The following SUPT3H variants were observed in gnomAD, a reference collection of about 807,000 sequenced individuals.
SUPT3H encodes the protein transcription initiation protein SPT3 homolog.
Under a neutral mutation model 44.3 loss-of-function variants are expected in SUPT3H, and 44 were observed. That is an observed-to-expected ratio of 0.99 (90% CI 0.78 to 1.28). The LOEUF is 1.28. Ranked by LOEUF, SUPT3H falls within the 50% of genes most tolerant of loss-of-function variation. SUPT3H has a pLI of 0.00. For missense variants in SUPT3H, 380 were observed against 387.1 expected, an observed-to-expected ratio of 0.98 and a Z score of 0.15; for synonymous variants, 124 against 125.6, an observed-to-expected ratio of 0.99 and a Z score of 0.09.
At chr6:45,279,930 T>C (rs1777682707) in intron 2 of SUPT3H, among the ~76,000 whole-genome samples, 1 of 152,198 alleles carries the variant, frequency 6.6e-6, no homozygotes, top group Admixed American at 6.5e-5. Flanking sequence ...ATACCTGCTC[T>C]ACTTGCACTC....
chr6:45,260,610 A>G (rs1315232593), intron 2 of SUPT3H, among the ~76,000 whole-genome samples: 2 of 152,194 alleles, frequency 1.3e-5, no homozygotes, highest in African/African-American at 4.8e-5. Flanking sequence ...CTACATTTTA[A>G]CAAGTAAAAT....
intron 3 of SUPT3H, among the ~76,000 whole-genome samples, chr6:45,070,053 T>C (rs1438191288): frequency 3.9e-5 from 6 of 152,180 alleles, no homozygotes; most frequent in Admixed American, 3.9e-4. Context: ...GAATATATCA[T>C]GGTCATTCCC....
At chr6:45,061,436 C>A (rs1286487504) in intron 3 of SUPT3H, among the ~76,000 whole-genome samples, 3 of 151,916 alleles carry the variant, frequency 2.0e-5, no homozygotes, top group Non-Finnish European at 4.4e-5. Context: ...ACACATGGGG[C>A]CTTTTAGAGG....
chr6:45,255,109 C>T (rs1204130511), intron 2 of SUPT3H, among the ~76,000 whole-genome samples: 2 of 152,136 alleles, frequency 1.3e-5, no homozygotes, highest in East Asian at 3.8e-4. Flanking sequence ...TTAGTTGCTG[C>T]TAATCTCATA....
intron 2 of SUPT3H, among the ~76,000 whole-genome samples, chr6:45,204,999 G>A (rs115428726): frequency 6.6e-6 from 1 of 152,228 alleles, no homozygotes; most frequent in African/African-American, 2.4e-5. Flanking sequence ...ATATGCCCAT[G>A]TTGGGCTCAA....
chr6:45,317,272 A>AAAAG (rs1185108058), intron 2 of SUPT3H, among the ~76,000 whole-genome samples: 1 of 149,658 alleles, frequency 6.7e-6, no homozygotes, highest in Admixed American at 6.7e-5. Context: ...CAAAATGTCC[A>AAAAG]GACTACCCAA....
chr6:45,112,116 A>C (rs995464983), intron 2 of SUPT3H, among the ~76,000 whole-genome samples: 1 of 152,218 alleles, frequency 6.6e-6, no homozygotes, highest in African/African-American at 2.4e-5. Context: ...ATTTTAAAGA[A>C]ACCTTTTCAG....
At chr6:44,974,767 A>C (rs1410995091) in intron 6 of SUPT3H, among the ~76,000 whole-genome samples, 1 of 152,122 alleles carries the variant, frequency 6.6e-6, no homozygotes, top group African/African-American at 2.4e-5. Flanking sequence ...GACTAGAACA[A>C]ATGTTGCTAT....
At chr6:45,102,342 G>A (rs1798697501) in intron 3 of SUPT3H, among the ~76,000 whole-genome samples, 1 of 152,012 alleles carries the variant, frequency 6.6e-6, no homozygotes, top group African/African-American at 2.4e-5. Flanking sequence ...AAGGGGAAAA[G>A]CCAAAAAACA....
chr6:45,375,824 T>C (rs1796700254), intron 1 of SUPT3H, among the ~76,000 whole-genome samples: 2 of 150,920 alleles, frequency 1.3e-5, no homozygotes, highest in South Asian at 4.2e-4. Flanking sequence ...ATACACTTGC[T>C]TTAAAAAAAA....
chr6:45,259,357 T>C (rs563140564), intron 2 of SUPT3H, among the ~76,000 whole-genome samples: 1 of 152,232 alleles, frequency 6.6e-6, no homozygotes, highest in East Asian at 1.9e-4. Context: ...GGATCCAAAA[T>C]GTCTCCACTA....
At chr6:45,131,177 A>C (rs956941469) in intron 2 of SUPT3H, among the ~76,000 whole-genome samples, 5 of 152,136 alleles carry the variant, frequency 3.3e-5, no homozygotes, top group African/African-American at 1.2e-4. Context: ...TACTGGGCTA[A>C]ATTATAGGTT....
intron 2 of SUPT3H, 93 bp from the exon 3 acceptor site, chr6:45,106,099 G>A: frequency 9.4e-7 from 1 of 1,068,090 alleles, no homozygotes; most frequent in Non-Finnish European, 1.4e-6. Flanking sequence ...AGTTTAGTAA[G>A]GAGAACATAA....
intron 3 of SUPT3H, among the ~76,000 whole-genome samples, chr6:45,025,025 T>A (rs997684197): frequency 6.6e-6 from 1 of 152,216 alleles, no homozygotes; most frequent in African/African-American, 2.4e-5. Flanking sequence ...ATTTTGGGAA[T>A]CCTTAGACTC....
intron 2 of SUPT3H, among the ~76,000 whole-genome samples, chr6:45,304,610 G>A (rs1226554654): frequency 1.3e-5 from 2 of 152,016 alleles, no homozygotes; most frequent in Admixed American, 1.3e-4. Context: ...TTCCTAAAAA[G>A]AAAGGTCAAA....
intron 3 of SUPT3H, among the ~76,000 whole-genome samples, chr6:45,077,348 T>C (rs572997927): frequency 6.6e-6 from 1 of 152,210 alleles, no homozygotes; most frequent in African/African-American, 2.4e-5. Flanking sequence ...GTTCATAGGC[T>C]GGGCATGGTG....
chr6:44,824,023 A>G (rs1318531946), downstream of SUPT3H, among the ~76,000 whole-genome samples: 3 of 152,220 alleles, frequency 2.0e-5, no homozygotes, highest in African/African-American at 7.2e-5. Context: ...TGGCTCCTCC[A>G]TGACATGGTA....
In SUPT3H at chr6:45,247,144, C is replaced by G. The variant is rs181995657; in HGVS notation, c.101+118057G>C. On this transcript the variant is annotated intron_variant, in intron 2 of 10. Coordinates refer to ENST00000371459, the MANE Select transcript of SUPT3H (RefSeq NM_003599.4). ...ACTATAAGCAAATCTCTGATAATAA[C>G]GTTGACGAATTAAAAGAAATTGATG... 2.0e-5 allele frequency among the ~76,000 whole-genome samples: 3 copies of G among 152,134 alleles called. 1 individual carries two copies. The South Asian group carries it at 6.2e-4, about 32-fold the overall frequency.
At chr6:45,011,078 G>A (rs1783416244) in intron 5 of SUPT3H, among the ~76,000 whole-genome samples, 1 of 152,040 alleles carries the variant, frequency 6.6e-6, no homozygotes, top group Admixed American at 6.6e-5. Context: ...ATTTGGTCAT[G>A]GTTTATAATC....
Sources: gnomAD v4.1 joint callset for allele counts (sites outside exome capture counted in the v4.1 genomes callset) on GRCh38, gnomAD v4.1.1 for gene constraint, MANE v1.5 for transcripts, NCBI Gene and HGNC (gene_info 2026-07-23, HGNC 2026-07-21) for gene names.